The following KAT6B variants were observed in gnomAD, a reference collection of about 807,000 sequenced individuals.
KAT6B encodes lysine acetyltransferase 6B.
Under a neutral mutation model 187.5 loss-of-function variants are expected in KAT6B, and 10 were observed. The observed-to-expected ratio is 0.05, with a 90% CI of 0.03 to 0.09. KAT6B has a LOEUF of 0.09. Among genes scored for constraint, KAT6B ranks in the 10% least tolerant of loss-of-function variants. The probability of loss-of-function intolerance (pLI) is 1.00; values close to 1 mark genes in which losing one functional copy is unlikely to be tolerated. For synonymous variants in KAT6B, 861 were observed against 926.8 expected (o/e 0.93, Z 1.29); for missense variants, 1,952 against 2,558.9 (o/e 0.76, Z 5.12).
intron 3 of KAT6B, among the ~76,000 whole-genome samples, chr10:74,945,471 T>G (rs1390699237): frequency 6.6e-6 from 1 of 152,222 alleles, no homozygotes; most frequent in Non-Finnish European, 1.5e-5. Flanking sequence ...TTTTGTTTTT[T>G]TCTTTTTTTT....
At chr10:74,855,714 C>T (rs1010086766) in intron 3 of KAT6B, among the ~76,000 whole-genome samples, 4 of 152,148 alleles carry the variant, frequency 2.6e-5, no homozygotes, top group Non-Finnish European at 5.9e-5. Flanking sequence ...AAATACTTCT[C>T]TCCTAACCTT....
intron 13 of KAT6B, among the ~76,000 whole-genome samples, chr10:74,991,689 C>T (rs1843132452): frequency 3.9e-5 from 6 of 152,096 alleles, no homozygotes; most frequent in Admixed American, 3.3e-4. Flanking sequence ...TTAAGAAGTG[C>T]AGTGAAAGAT....
At chr10:74,933,304 G>C (rs561777130) in intron 3 of KAT6B, among the ~76,000 whole-genome samples, 2 of 152,304 alleles carry the variant, frequency 1.3e-5, no homozygotes, top group African/African-American at 4.8e-5. Flanking sequence ...TACCAGTTTT[G>C]GTGCAGTTAG....
At chr10:74,918,391 A>G (rs1399601553) in intron 3 of KAT6B, among the ~76,000 whole-genome samples, 1 of 152,198 alleles carries the variant, frequency 6.6e-6, no homozygotes, top group East Asian at 1.9e-4. Context: ...CATGTTATCT[A>G]GATGCTCAGC....
chr10:74,961,503 A>G (rs889413854), intron 4 of KAT6B, among the ~76,000 whole-genome samples: 1 of 152,206 alleles, frequency 6.6e-6, no homozygotes, highest in African/African-American at 2.4e-5. Context: ...TGTGGGAAGA[A>G]AAGTTCCCTT....
chr10:75,012,432 G>A (rs1385968684), intron 13 of KAT6B, among the ~76,000 whole-genome samples: 3 of 152,200 alleles, frequency 2.0e-5, no homozygotes, highest in African/African-American at 7.2e-5. Context: ...GGGTGATAGA[G>A]TGAGACCGTG....
At chr10:74,871,461 G>C (rs1343298441) in intron 3 of KAT6B, among the ~76,000 whole-genome samples, 1 of 152,080 alleles carries the variant, frequency 6.6e-6, no homozygotes, top group Non-Finnish European at 1.5e-5. Context: ...CCAAAGTGTT[G>C]GGATTACAGG....
intron 3 of KAT6B, among the ~76,000 whole-genome samples, chr10:74,883,970 A>G (rs1234654798): frequency 6.6e-6 from 1 of 152,184 alleles, no homozygotes; most frequent in Non-Finnish European, 1.5e-5. Flanking sequence ...AAAGGAATAG[A>G]AGACTTCTTT....
At position 75,028,663 on chromosome 10, in the gene KAT6B, C is replaced by G. The variant is rs368121049; in HGVS notation, c.3839C>G (p.Pro1280Arg). ...KLNLYTPPET[P>R]MEPDEQVTVE... ...AATTTGTACACCCCGCCAGAAACAC[C>G]CATGGAGCCTGACGAGCAGGTAACA... is the stretch of plus-strand genomic sequence containing the variant. The change falls in exon 18 of 18, where the codon CCC becomes CGC. Residue 1280 changes from proline to arginine, a missense_variant. Physicochemically the swap from Pro to Arg is moderately radical, Grantham distance 103. Around this residue, in one of 9 missense-constraint regions of KAT6B, gnomAD observed 758 missense variants for 891.4 expected, o/e 0.85. Coordinates refer to ENST00000287239, the MANE Select transcript of KAT6B (RefSeq NM_012330.4). 2 of 1,613,962 alleles carry G rather than the reference C, an allele frequency of 1.2e-6. No individual in the cohort carries two copies. Among genetic ancestry groups the G allele is most frequent in the Non-Finnish European group, 1.7e-6 (2 of 1,180,038 alleles).
intron 4 of KAT6B, among the ~76,000 whole-genome samples, chr10:74,960,592 A>G (rs1841031011): frequency 6.6e-6 from 1 of 151,930 alleles, no homozygotes; most frequent in Non-Finnish European, 1.5e-5. Flanking sequence ...ACAGAACACC[A>G]TAGCTAATTC....
At chr10:74,955,997 C>T (rs1733015181) in intron 3 of KAT6B, among the ~76,000 whole-genome samples, 1 of 152,164 alleles carries the variant, frequency 6.6e-6, no homozygotes, top group South Asian at 2.1e-4. Flanking sequence ...AATCACGACT[C>T]ATTGCAGCCT....
intron 9 of KAT6B, 47 bp downstream of exon 9, chr10:74,977,484 T>C (rs1842236690): frequency 6.2e-7 from 1 of 1,605,144 alleles, no homozygotes; most frequent in Admixed American, 1.7e-5. Context: ...AGATGTGGCT[T>C]CTAACTATTA....
rs754132525 is a variant in KAT6B at position 75,029,553 on chromosome 10, C to T, written c.4729C>T (p.Arg1577Cys). Reference protein sequence around the residue: ...EACRSLQNYTRADQSPQIATT... With the variant: ...EACRSLQNYTCADQSPQIATT... ...CTGTAGAAGCCTACAGAACTACACC[C>T]GTGCAGACCAAAGTCCACAGATTGC... Residue 1577 changes from arginine to cysteine, a missense_variant, in exon 18 of 18, where the codon CGT becomes TGT. Arg to Cys is a radical substitution (Grantham distance 180, BLOSUM62 -3). Transcript: ENST00000287239. The surrounding 1 kb of genome is among the most constrained non-coding windows in gnomAD (Gnocchi z 6.2). 9 of 1,614,026 alleles carry T rather than the reference C, an allele frequency of 5.6e-6. No homozygotes were observed. The highest frequency in any genetic ancestry group is 6.8e-6 in the Non-Finnish European group (8 of 1,180,042).
At chr10:74,932,052 T>C (rs979768040) in intron 3 of KAT6B, among the ~76,000 whole-genome samples, 2 of 152,198 alleles carry the variant, frequency 1.3e-5, no homozygotes, top group Non-Finnish European at 2.9e-5. Context: ...TCTCTCCCCA[T>C]GTGATTTGTA....
chr10:74,832,961 A>G (rs1346230997), intron 1 of KAT6B, among the ~76,000 whole-genome samples: 2 of 151,740 alleles, frequency 1.3e-5, no homozygotes, highest in Non-Finnish European at 2.9e-5. Flanking sequence ...CGTCTCTACT[A>G]AAAATAAAAA....
chr10:74,941,297 A>G (rs183887462), intron 3 of KAT6B, among the ~76,000 whole-genome samples: 3 of 152,352 alleles, frequency 2.0e-5, no homozygotes, highest in Admixed American at 6.5e-5. Context: ...TTGAATTAGA[A>G]TAATAATGGT....
intron 8 of KAT6B, 134 bp from the exon 9 acceptor site, chr10:74,977,182 A>G: frequency 1.2e-6 from 1 of 863,116 alleles, no homozygotes; most frequent in Non-Finnish European, 1.8e-6. Context: ...GCTTAGATGT[A>G]AAAGCTTATT....
Position 75,030,129 on chromosome 10 carries a change from T to G in KAT6B, c.5305T>G (p.Cys1769Gly), listed in dbSNP as rs757944522. The G allele has an allele frequency of 4.3e-6, 7 of 1,614,136 alleles. No homozygotes were observed. The highest frequency in any genetic ancestry group is 3.3e-5 in the Admixed American group (2 of 60,012). ...PPSSSQQLAQ[C>G]SMAANFTPPM... Reference sequence around the variant, plus strand: ...GAGCAGCAGCCAGCAGCTGGCTCAGTGCAGCATGGCTGCTAACTTCACCCC... The same window carrying G: ...GAGCAGCAGCCAGCAGCTGGCTCAGGGCAGCATGGCTGCTAACTTCACCCC... The change falls in exon 18 of 18, where the codon TGC (cysteine) becomes GGC (glycine). Residue 1769 changes from cysteine to glycine, a missense_variant. Physicochemically the swap from Cys to Gly is radical, Grantham distance 159. Coordinates refer to ENST00000287239, the MANE Select transcript of KAT6B (RefSeq NM_012330.4). This position sits in a 1 kb window ranked among gnomAD's most constrained non-coding sequence, Gnocchi z 4.8.
chr10:74,950,793 C>A (rs1840262431), intron 3 of KAT6B, among the ~76,000 whole-genome samples: 1 of 152,104 alleles, frequency 6.6e-6, no homozygotes, highest in Non-Finnish European at 1.5e-5. Flanking sequence ...TAATAAGGCA[C>A]CAAAATTTGT....
Sources: gnomAD v4.1 joint callset for allele counts (sites outside exome capture counted in the v4.1 genomes callset) on GRCh38, gnomAD v4.1.1 for gene constraint, gnomAD v4.1.1 regional missense constraint, Gnocchi (gnomAD v3.1) non-coding constraint, MANE v1.5 for transcripts, NCBI Gene and HGNC (gene_info 2026-07-23, HGNC 2026-07-21) for gene names.